EPB41: variants seen among roughly 807,000 people sequenced by gnomAD.
EPB41 encodes erythrocyte membrane protein band 4.1.
A neutral mutation model predicts 108.0 loss-of-function variants in EPB41; 65 were observed. That is an observed-to-expected ratio of 0.60 (90% CI 0.49 to 0.74). The LOEUF is 0.74. Ranked by LOEUF, EPB41 falls within the 30% of genes least tolerant of loss-of-function variation. The pLI is 0.00. For missense variants in EPB41, 875 were observed against 1,037.0 expected (o/e 0.84, Z 2.15); for synonymous variants, 336 against 358.9 (o/e 0.94, Z 0.72).
intron 9 of EPB41, 75 bp from the exon 10 acceptor site, chr1:29,035,750 TG>T: frequency 9.3e-7 from 1 of 1,080,572 alleles, no homozygotes; most frequent in Non-Finnish European, 1.4e-6. Flanking sequence ...CATATTTCTC[TG>T]GTACTGTATC....
chr1:29,105,843 G>A (rs1355716301), intron 17 of EPB41, among the ~76,000 whole-genome samples: 1 of 148,858 alleles, frequency 6.7e-6, no homozygotes, highest in Non-Finnish European at 1.5e-5. Flanking sequence ...CCGCCTCCTG[G>A]TTCAAGCGAT....
chr1:28,909,672 T>C (rs547931088), upstream of EPB41, among the ~76,000 whole-genome samples: 1 of 152,014 alleles, frequency 6.6e-6, no homozygotes. Flanking sequence ...TGGTGGCATA[T>C]ACCTGTAGTC....
chr1:29,049,431 C>A (rs967212348), intron 11 of EPB41, among the ~76,000 whole-genome samples: 5 of 152,172 alleles, frequency 3.3e-5, no homozygotes, highest in Non-Finnish European at 4.4e-5. Context: ...GGTGTACATC[C>A]TTATCACCTT....
intron 1 of EPB41, among the ~76,000 whole-genome samples, chr1:28,951,790 G>A (rs1481142534): frequency 2.6e-5 from 4 of 152,138 alleles, no homozygotes; most frequent in African/African-American, 7.2e-5. Flanking sequence ...GGAGGTTGAG[G>A]CTGCAGTGAG....
chr1:28,924,502 T>C (rs1054190275), intron 1 of EPB41, among the ~76,000 whole-genome samples: 5 of 151,728 alleles, frequency 3.3e-5, no homozygotes, highest in African/African-American at 9.7e-5. Context: ...GCACTCCAGC[T>C]CTGGGTGACA....
chr1:29,016,197 C>T (rs191690673), intron 6 of EPB41, among the ~76,000 whole-genome samples: 17 of 152,162 alleles, frequency 1.1e-4, no homozygotes, highest in East Asian at 1.9e-4. Context: ...TTTTTTGAGA[C>T]GGAGTCTCGC....
chr1:29,013,595 C>A (rs1057449560), intron 5 of EPB41, among the ~76,000 whole-genome samples: 36 of 152,108 alleles, frequency 2.4e-4, no homozygotes, highest in African/African-American at 8.4e-4. Context: ...GGTGTGATTT[C>A]GGCTCACTGC....
At chr1:29,093,251 G>A (rs886778534) in intron 16 of EPB41, among the ~76,000 whole-genome samples, 3 of 152,160 alleles carry the variant, frequency 2.0e-5, no homozygotes, top group Non-Finnish European at 4.4e-5. Context: ...CATTCTGACT[G>A]GTGGGAGATG....
At chr1:28,974,632 GAGA>G (rs1479534950) in intron 1 of EPB41, among the ~76,000 whole-genome samples, 1 of 152,180 alleles carries the variant, frequency 6.6e-6, no homozygotes, top group Non-Finnish European at 1.5e-5. Context: ...AGAAGGCTAA[GAGA>G]AGGACAGCAC....
At chr1:28,889,578 G>A (rs904786205) in intron 1 of EPB41, among the ~76,000 whole-genome samples, 7 of 152,242 alleles carry the variant, frequency 4.6e-5, no homozygotes, top group South Asian at 2.1e-4. Flanking sequence ...CTGGCTGGCC[G>A]TGCTGGGCAG....
At chr1:29,032,987 T>C (rs2096809456) in intron 8 of EPB41, 106 bp from the exon 9 acceptor site, 1 of 1,097,926 alleles carries the variant, frequency 9.1e-7, no homozygotes, top group African/African-American at 1.6e-5. Context: ...TTTCATTGTA[T>C]GTTTTGTAAC....
chr1:29,007,119 G>T (rs2096418236), intron 4 of EPB41, among the ~76,000 whole-genome samples: 2 of 151,536 alleles, frequency 1.3e-5, no homozygotes, highest in African/African-American at 4.8e-5. Flanking sequence ...TTGAGACAGG[G>T]TCTCACCCTG....
In EPB41 at chr1:29,018,467, C is replaced by T. The variant is rs377224137; in HGVS notation, c.1124+25C>T. On this transcript the variant is annotated intron_variant, in intron 7 of 20. Transcript: ENST00000343067. This position sits in a 1 kb window ranked among gnomAD's most constrained non-coding sequence, Gnocchi z 4.4. ...GGTGAATATGTCTCCAGGGTTTGTT[C>T]GGTGTTTGTTTTGGCGATTAGTTTA... 16 of 1,594,278 alleles carry T rather than the reference C, an allele frequency of 1.0e-5. No homozygotes were observed. Among genetic ancestry groups the T allele is most frequent in the South Asian group, 4.4e-5 (4 of 89,976 alleles).
At chr1:29,043,829 A>G (rs1285812359) in intron 11 of EPB41, among the ~76,000 whole-genome samples, 2 of 152,248 alleles carry the variant, frequency 1.3e-5, no homozygotes, top group Non-Finnish European at 2.9e-5. Context: ...AGAGTCTGGG[A>G]CAGCCTGGAC....
intron 1 of EPB41, among the ~76,000 whole-genome samples, chr1:28,961,511 G>T (rs567588226): frequency 1.2e-4 from 18 of 152,150 alleles, no homozygotes; most frequent in Non-Finnish European, 2.6e-4. Context: ...TATAGTCCCA[G>T]TCCTGCCACT....
chr1:29,014,619 G>A (rs958158442), intron 5 of EPB41, among the ~76,000 whole-genome samples: 1 of 152,034 alleles, frequency 6.6e-6, no homozygotes, highest in Non-Finnish European at 1.5e-5. Flanking sequence ...AGGCTGGAGT[G>A]GAGTGGCACA....
chr1:29,064,808 A>G, intron 15 of EPB41, 174 bp from the exon 16 acceptor site: 1 of 808,382 alleles, frequency 1.2e-6, no homozygotes, highest in South Asian at 1.9e-5. Flanking sequence ...TTTAAAGAAA[A>G]AAAAGGCAAG....
At chr1:29,064,022 C>T (rs1381567579) in intron 15 of EPB41, among the ~76,000 whole-genome samples, 3 of 151,978 alleles carry the variant, frequency 2.0e-5, no homozygotes, top group African/African-American at 4.8e-5. Flanking sequence ...TTGCCTGTAC[C>T]TCAGGTTGCC....
rs1641040777 is a variant in EPB41, at chr1:29,040,415, T to G, written c.1636+989T>G. Among the ~76,000 whole-genome samples, 5 of 152,156 alleles carry G rather than the reference T, an allele frequency of 3.3e-5. No homozygotes were observed. In the South Asian group the frequency reaches 1.0e-3, roughly 32 times the overall value. On this transcript the variant is annotated intron_variant, in intron 11 of 20. Coordinates refer to ENST00000343067, the MANE Select transcript of EPB41 (RefSeq NM_001376013.1). ...CCTGCCTTAGTCTCCCGAGTAGCTGTGATTACAGGCGTGTGCCACCATTCC... is the reference window on the plus strand; with the variant it reads ...CCTGCCTTAGTCTCCCGAGTAGCTGGGATTACAGGCGTGTGCCACCATTCC...
Sources: allele counts gnomAD v4.1 joint callset (sites outside exome capture counted in the v4.1 genomes callset), GRCh38; gene constraint gnomAD v4.1.1; non-coding constraint Gnocchi (gnomAD v3.1); transcripts MANE v1.5; gene names NCBI Gene and HGNC (gene_info 2026-07-23, HGNC 2026-07-21).